The following PFKFB3 variants were observed in gnomAD, a reference collection of about 807,000 sequenced individuals.
The protein encoded by PFKFB3 is 6-phosphofructo-2-kinase/fructose-2,6-bisphosphatase 3.
Under a neutral mutation model 68.0 loss-of-function variants are expected in PFKFB3, and 33 were observed. That is an observed-to-expected ratio of 0.49 (90% confidence interval 0.37 to 0.65). The LOEUF is 0.65. PFKFB3 is among the 30% of genes least tolerant of loss of function. PFKFB3 has a pLI of 0.00. For synonymous variants in PFKFB3, 315 were observed against 288.2 expected (o/e 1.09, Z -0.94); for missense variants, 586 against 712.2 (o/e 0.82, Z 2.02).
intron 1 of PFKFB3, among the ~76,000 whole-genome samples, chr10:6,158,332 G>A (rs112059773): frequency 1.3e-5 from 2 of 151,868 alleles, no homozygotes; most frequent in African/African-American, 4.8e-5. Flanking sequence ...TAAAAGTCAG[G>A]CAGTGTGTAA....
At chr10:6,227,458 A>G (rs966240744) in intron 14 of PFKFB3, among the ~76,000 whole-genome samples, 6 of 152,110 alleles carry the variant, frequency 3.9e-5, no homozygotes, top group African/African-American at 1.4e-4. Context: ...AGACCTCATG[A>G]TGTCTGGAAT....
upstream of PFKFB3, among the ~76,000 whole-genome samples, chr10:6,200,365 C>T (rs1207310677): frequency 1.3e-5 from 2 of 152,078 alleles, no homozygotes; most frequent in Non-Finnish European, 2.9e-5. Flanking sequence ...GTTGGCCAAG[C>T]CCTAGTTGGA....
the PFKFB3 span, among the ~76,000 whole-genome samples, chr10:6,261,524 T>G: frequency 6.6e-6 from 1 of 152,156 alleles, no homozygotes; most frequent in Non-Finnish European, 1.5e-5. Flanking sequence ...ACTGGGGCCT[T>G]GTTGACAGAG....
At chr10:6,198,828 G>A (rs1465354213), upstream of PFKFB3, among the ~76,000 whole-genome samples, 1 of 152,140 alleles carries the variant, frequency 6.6e-6, no homozygotes, top group African/African-American at 2.4e-5. Flanking sequence ...TCTTTAGAAC[G>A]GCATCATATT....
chr10:6,277,021 C>T, the PFKFB3 span, among the ~76,000 whole-genome samples: 1 of 152,154 alleles, frequency 6.6e-6, no homozygotes, highest in Non-Finnish European at 1.5e-5. Context: ...CACCTGCTGG[C>T]AACCACTAAC....
At chr10:6,146,209 C>G in intron 1 of PFKFB3, 2 of 1,425,300 alleles carry the variant, frequency 1.4e-6, no homozygotes, top group Non-Finnish European at 1.8e-6. Context: ...CCGCACCCAC[C>G]CATCTGCCTC....
At chr10:6,250,913 G>T (rs1336729703) in intron 14 of PFKFB3, among the ~76,000 whole-genome samples, 1 of 152,188 alleles carries the variant, frequency 6.6e-6, no homozygotes. Context: ...GTTGAACTAC[G>T]CCAGCGCTTC....
At chr10:6,296,470 A>C in the PFKFB3 span, among the ~76,000 whole-genome samples, 1 of 152,220 alleles carries the variant, frequency 6.6e-6, no homozygotes, top group African/African-American at 2.4e-5. Flanking sequence ...TTTATTAAGA[A>C]AGTGAAGTAA....
Position 6,208,067 on chromosome 10 carries a change from C to T in PFKFB3, c.76+4731C>T, listed in dbSNP as rs114945960. On this transcript the variant is annotated intron_variant, in intron 1 of 14. Coordinates refer to ENST00000379775, the MANE Select transcript of PFKFB3 (RefSeq NM_004566.4). ...TTTGTAAGCAACAGGTAAAAGACAG[C>T]CTTTTAAAGCACCAAACTTTGTTTT... is the stretch of plus-strand genomic sequence containing the variant. Among the ~76,000 whole-genome samples the T allele has an allele frequency of 4.8e-3, 736 of 152,220 alleles. 4 individuals are homozygous for T. Among genetic ancestry groups the T allele is most frequent in the African/African-American group, 0.017 (716 of 41,524 alleles).
chr10:6,161,022 G>A (rs192053052), intron 1 of PFKFB3, among the ~76,000 whole-genome samples: 257 of 151,886 alleles, frequency 1.7e-3, no homozygotes, highest in African/African-American at 5.9e-3. Flanking sequence ...TGCAACCTCC[G>A]CTTCTCGGGT....
At chr10:6,223,650 T>C (rs1845120147) in intron 11 of PFKFB3, among the ~76,000 whole-genome samples, 2 of 152,250 alleles carry the variant, frequency 1.3e-5, no homozygotes, top group South Asian at 4.1e-4. Context: ...GAGACAAAGT[T>C]TTGCTCTTCT....
At chr10:6,155,021 G>C (rs1841725072) in intron 1 of PFKFB3, among the ~76,000 whole-genome samples, 1 of 152,136 alleles carries the variant, frequency 6.6e-6, no homozygotes, top group African/African-American at 2.4e-5. Flanking sequence ...CAGCCTTCCA[G>C]AAAAGTCCAC....
At chr10:6,198,199 T>C (rs1015114491), upstream of PFKFB3, among the ~76,000 whole-genome samples, 5 of 143,732 alleles carry the variant, frequency 3.5e-5, no homozygotes, top group Non-Finnish European at 3.0e-5. Context: ...TAAGCCGAGA[T>C]GGTACCACTG....
In PFKFB3 at chr10:6,228,583, G is replaced by A. The variant is rs74459969; in HGVS notation, c.1515+2218G>A. Reference sequence around the variant, plus strand: ...GATCTTGGTGGCGAGCTGCATCTGTGCCAGGTGCCATTAGCCTTAAAGCCC... The same window carrying A: ...GATCTTGGTGGCGAGCTGCATCTGTACCAGGTGCCATTAGCCTTAAAGCCC... On this transcript the variant is annotated intron_variant, in intron 14 of 14. Coordinates refer to ENST00000379775, the MANE Select transcript of PFKFB3 (RefSeq NM_004566.4). The surrounding 1 kb of genome is among the most constrained non-coding windows in gnomAD (Gnocchi z 4.5). Among the ~76,000 whole-genome samples, 3 of 152,136 alleles carry A rather than the reference G, an allele frequency of 2.0e-5. No homozygotes were observed. The highest frequency in any genetic ancestry group is 4.4e-5 in the Non-Finnish European group (3 of 68,018).
chr10:6,206,603 G>C (rs1283159051), intron 1 of PFKFB3, among the ~76,000 whole-genome samples: 5 of 137,768 alleles, frequency 3.6e-5, no homozygotes, highest in Admixed American at 6.9e-5. Context: ...CCTCCCTCCC[G>C]GACGGGGTGG....
chr10:6,223,263 A>T (rs1054983327), intron 11 of PFKFB3, among the ~76,000 whole-genome samples: 4 of 152,208 alleles, frequency 2.6e-5, no homozygotes, highest in African/African-American at 9.7e-5. Flanking sequence ...CACACATCCC[A>T]GGGTCTTGGC....
At position 6,219,626 on chromosome 10, in the gene PFKFB3, G is replaced by A; in HGVS notation, c.556G>A (p.Asp186Asn). 1 of 1,613,876 alleles carries A rather than the reference G, an allele frequency of 6.2e-7. No individual in the cohort carries two copies. The highest frequency in any genetic ancestry group is 8.5e-7 in the Non-Finnish European group (1 of 1,179,834). Reference sequence around the variant, plus strand: ...CTGCAACTCGGCAGAAGCCATGGACGACTTCATGAAGAGGATCAGTTGCTA... The same window carrying A: ...CTGCAACTCGGCAGAAGCCATGGACAACTTCATGAAGAGGATCAGTTGCTA... ...KDCNSAEAMD[D>N]FMKRISCYEA... is the part of the protein sequence containing the mutation. Residue 186 changes from aspartate (D) to asparagine (N), a missense_variant, in exon 7 of 15, where the codon GAC becomes AAC. Asp to Asn is a conservative substitution (Grantham distance 23). Coordinates refer to ENST00000379775, the MANE Select transcript of PFKFB3 (RefSeq NM_004566.4).
the PFKFB3 span, among the ~76,000 whole-genome samples, chr10:6,320,723 C>A: frequency 6.6e-6 from 1 of 152,288 alleles, no homozygotes; most frequent in South Asian, 2.1e-4. Context: ...CCACGCCTGG[C>A]CAGAAGCAGC....
At chr10:6,177,423 TC>T (rs1455786501) in intron 1 of PFKFB3, among the ~76,000 whole-genome samples, 332 of 118,064 alleles carry the variant, frequency 2.8e-3, no homozygotes, top group East Asian at 0.016. Context: ...TTCTCTTTCT[TC>T]CTTTCTTTTC....
Sources: gnomAD v4.1 joint callset for allele counts (sites outside exome capture counted in the v4.1 genomes callset) on GRCh38, gnomAD v4.1.1 for gene constraint, Gnocchi (gnomAD v3.1) non-coding constraint, MANE v1.5 for transcripts, NCBI Gene and HGNC (gene_info 2026-07-23, HGNC 2026-07-21) for gene names.